CREBZF: variants seen among roughly 807,000 people sequenced by gnomAD.
CREBZF encodes HCF-binding transcription factor Zhangfei.
In CREBZF, 8 loss-of-function variants were observed where a neutral mutation model predicts 21.1. That is an observed-to-expected ratio of 0.38 (90% confidence interval 0.22 to 0.68). The LOEUF is 0.68. CREBZF is among the 30% of genes least tolerant of loss of function. The pLI is 0.51. For missense variants in CREBZF, 518 were observed against 484.3 expected (o/e 1.07, Z -0.65); for synonymous variants, 270 against 223.3 (o/e 1.21, Z -1.86).
rs1010498122 is a variant in CREBZF at position 85,664,878 on chromosome 11, G to A, written c.-3C>T. ...AGCTTGGTCAGGCTATGCCTCATGAGGGCCAGCGGCGGGCCGCGGTAGGCC... is the reference window on the plus strand; with the variant it reads ...AGCTTGGTCAGGCTATGCCTCATGAAGGCCAGCGGCGGGCCGCGGTAGGCC... On this transcript the variant is annotated 5_prime_UTR_variant, in exon 1 of 1. Coordinates refer to ENST00000527447, the MANE Select transcript of CREBZF (RefSeq NM_001039618.4). This position sits in a 1 kb window ranked among gnomAD's most constrained non-coding sequence, Gnocchi z 5.5. 2.0e-6 allele frequency: 3 copies of A among 1,473,184 alleles called. No individual in the cohort carries two copies. Among genetic ancestry groups the A allele is most frequent in the African/African-American group, 2.9e-5 (2 of 69,024 alleles). The allele number at this position is 1,473,184 out of a possible 1,614,324, so 91.3% of individuals were successfully genotyped here. A position where few individuals can be genotyped will look rare whatever the true frequency, so the allele number is the denominator to read the frequency against.
In CREBZF at chr11:85,660,381, A is replaced by G. The variant is rs1287876914; in HGVS notation, c.*3430T>C. 7.1e-6 allele frequency: 2 copies of G among 280,682 alleles called. No homozygotes were observed. The highest frequency in any genetic ancestry group is 1.4e-5 in the Non-Finnish European group (2 of 142,874). 17.4% of individuals were successfully genotyped at this position (280,682 alleles called of 1,614,324 possible). On this transcript the variant is annotated 3_prime_UTR_variant, in exon 1 of 1. Transcript: ENST00000527447. ...GATTAACTTAGTCTCATGTATCTCT[A>G]TTAAGTCTTTCAAGGATTCCAGAGA...
Position 85,676,970 on chromosome 11 carries a change from C to CTTTTTT in CREBZF, n.147+5741_147+5746dup, listed in dbSNP as rs1422368391. Among the ~76,000 whole-genome samples, 11 of 118,636 alleles carry CTTTTTT rather than the reference C, an allele frequency of 9.3e-5. 1 individual carries two copies. Among genetic ancestry groups the CTTTTTT allele is most frequent in the African/African-American group, 2.3e-4 (7 of 30,250 alleles). The allele number at this position is 118,636 out of a possible 152,430, so 77.8% of individuals were successfully genotyped here. On this transcript the variant is annotated intron_variant and non_coding_transcript_variant, in intron 1 of 3. Transcript: ENST00000531515. Reference sequence around the variant, plus strand: ...TAAAGTAATTTTTTTCTTTTTCTGTCTTTTTTTTTTTGAGACAGAATGTCA... The same window carrying CTTTTTT: ...TAAAGTAATTTTTTTCTTTTTCTGTCTTTTTTTTTTTTTTTTTGAGACAGAATGTCA...
At chr11:85,676,217 G>C (rs532207042) in intron 1 of CREBZF, among the ~76,000 whole-genome samples, 1 of 152,184 alleles carries the variant, frequency 6.6e-6, no homozygotes, top group Non-Finnish European at 1.5e-5. Flanking sequence ...AGAAGTTTGA[G>C]CATGAAAGAT....
chr11:85,680,020 C>A (rs1210245882), intron 1 of CREBZF, among the ~76,000 whole-genome samples: 3 of 152,184 alleles, frequency 2.0e-5, no homozygotes, highest in Non-Finnish European at 4.4e-5. Context: ...TAAGAAGTTT[C>A]TTTCCCATTC....
At chr11:85,680,671 G>T (rs1467491394) in intron 1 of CREBZF, among the ~76,000 whole-genome samples, 1 of 152,198 alleles carries the variant, frequency 6.6e-6, no homozygotes, top group Admixed American at 6.5e-5. Flanking sequence ...TACAGCTCTA[G>T]GTGTCCCTAA....
chr11:85,670,715 A>T (rs1482440104), intron 1 of CREBZF, among the ~76,000 whole-genome samples: 1 of 152,200 alleles, frequency 6.6e-6, no homozygotes, highest in Admixed American at 6.5e-5. Context: ...ATGTAGTGTC[A>T]ATATCTCGAT....
At position 85,661,615 on chromosome 11, in the gene CREBZF, G is replaced by C. The variant is rs2082681608; in HGVS notation, c.*2196C>G. ...GAAAATACTCCAACAGAATGTTATAGTTTTTAGAAAAATGAACTTACTGCT... is the reference window on the plus strand; with the variant it reads ...GAAAATACTCCAACAGAATGTTATACTTTTTAGAAAAATGAACTTACTGCT... On this transcript the variant is annotated 3_prime_UTR_variant, in exon 1 of 1. Transcript: ENST00000527447. The C allele has an allele frequency of 6.6e-6, 1 of 152,560 alleles. No homozygotes were observed. Among genetic ancestry groups the C allele is most frequent in the Non-Finnish European group, 1.5e-5 (1 of 68,006 alleles). 9.5% of individuals were successfully genotyped at this position (152,560 alleles called of 1,614,324 possible).
In CREBZF at chr11:85,660,538, C is replaced by T. The variant is rs1200464041; in HGVS notation, c.*3273G>A. 4.5e-6 allele frequency: 2 copies of T among 442,728 alleles called. No homozygotes were observed. The highest frequency in any genetic ancestry group is 4.5e-6 in the Non-Finnish European group (1 of 221,962). The allele number at this position is 442,728 out of a possible 1,614,324, so 27.4% of individuals were successfully genotyped here. The stretch of plus-strand genomic sequence containing the variant: ...ATGGTTCTCACAATTACTTTGTTAC[C>T]AACAGTCCAGTCAGTTAACAGGTTG... On this transcript the variant is annotated 3_prime_UTR_variant, in exon 1 of 1. Coordinates refer to ENST00000527447, the MANE Select transcript of CREBZF (RefSeq NM_001039618.4).
intron 1 of CREBZF, chr11:85,682,599 G>GCCCTACCCCCCC: frequency 1.2e-5 from 4 of 321,226 alleles, no homozygotes; most frequent in Non-Finnish European, 2.1e-5. Context: ...CCTACCCCCT[G>GCCCTACCCCCCC]CCCTACTCCC....
intron 1 of CREBZF, among the ~76,000 whole-genome samples, chr11:85,678,540 AT>A (rs2082956304): frequency 6.6e-6 from 1 of 152,196 alleles, no homozygotes; most frequent in Non-Finnish European, 1.5e-5. Flanking sequence ...ATATAGAAAA[AT>A]GTTCATATAA....
chr11:85,668,750 C>A (rs1394408951), upstream of CREBZF, among the ~76,000 whole-genome samples: 1 of 151,724 alleles, frequency 6.6e-6, no homozygotes, highest in African/African-American at 2.4e-5. Context: ...CGCCTGTAAT[C>A]CCAGCACTTT....
At chr11:85,676,640 TTTTTC>T (rs1266527390) in intron 1 of CREBZF, among the ~76,000 whole-genome samples, 1 of 151,958 alleles carries the variant, frequency 6.6e-6, no homozygotes, top group Non-Finnish European at 1.5e-5. Flanking sequence ...TGTCACTTTT[TTTTTC>T]TTTTTTTTCG....
At chr11:85,675,677 T>A (rs1030818580) in intron 1 of CREBZF, among the ~76,000 whole-genome samples, 2 of 152,114 alleles carry the variant, frequency 1.3e-5, no homozygotes, top group Non-Finnish European at 2.9e-5. Context: ...CAACTTATGG[T>A]TGCCACAAAC....
In CREBZF at chr11:85,663,484, C is replaced by T. The variant is rs1258521518; in HGVS notation, c.*327G>A. ...ATGTTGCCCATTAAAGTAGACAAAGCAGCAGAGCATGAGCGTTACGGGAAG... is the reference window on the plus strand; with the variant it reads ...ATGTTGCCCATTAAAGTAGACAAAGTAGCAGAGCATGAGCGTTACGGGAAG... On this transcript the variant is annotated 3_prime_UTR_variant, in exon 1 of 1. Coordinates refer to ENST00000527447, the MANE Select transcript of CREBZF (RefSeq NM_001039618.4). 2.4e-6 allele frequency: 2 copies of T among 820,194 alleles called. No individual in the cohort carries two copies. Among genetic ancestry groups the T allele is most frequent in the South Asian group, 1.4e-5 (1 of 69,466 alleles). 50.8% of individuals were successfully genotyped at this position (820,194 alleles called of 1,614,324 possible). A position where few individuals can be genotyped will look rare whatever the true frequency, so the allele number is the denominator to read the frequency against.
intron 1 of CREBZF, among the ~76,000 whole-genome samples, chr11:85,671,194 G>A (rs1269841511): frequency 6.6e-6 from 1 of 152,174 alleles, no homozygotes; most frequent in African/African-American, 2.4e-5. Flanking sequence ...CATATGTAGG[G>A]GACCTGCCCT....
At chr11:85,673,415 A>T (rs1047942808) in intron 1 of CREBZF, among the ~76,000 whole-genome samples, 1 of 152,228 alleles carries the variant, frequency 6.6e-6, no homozygotes, top group Non-Finnish European at 1.5e-5. Context: ...AGTGCATATA[A>T]ATGTTTACAC....
intron 1 of CREBZF, among the ~76,000 whole-genome samples, chr11:85,671,572 G>A (rs1027219738): frequency 1.3e-5 from 2 of 152,258 alleles, no homozygotes; most frequent in African/African-American, 2.4e-5. Context: ...TGAGGGTACA[G>A]GCATTGGGTA....
chr11:85,666,640 ACAGAAAGCAAGGTC>A (rs2082867537), upstream of CREBZF, among the ~76,000 whole-genome samples: 2 of 152,242 alleles, frequency 1.3e-5, no homozygotes. Context: ...TCTTAGAGAC[ACAGAAAGCAAGGTC>A]CAGGGAAGTT....
chr11:85,663,504 G>C lies in CREBZF; in HGVS notation c.*307C>G. On this transcript the variant is annotated 3_prime_UTR_variant, in exon 1 of 1. Transcript: ENST00000527447. ...CAAAGCAGCAGAGCATGAGCGTTAC[G>C]GGAAGAGATGGATCCTTACCAGGTT... 1 of 886,884 alleles carries C rather than the reference G, an allele frequency of 1.1e-6. No homozygotes were observed. Among genetic ancestry groups the C allele is most frequent in the Non-Finnish European group, 1.9e-6 (1 of 540,476 alleles). The allele number at this position is 886,884 out of a possible 1,614,324, so 54.9% of individuals were successfully genotyped here.
Sources: allele counts gnomAD v4.1 joint callset (sites outside exome capture counted in the v4.1 genomes callset), GRCh38; gene constraint gnomAD v4.1.1; non-coding constraint Gnocchi (gnomAD v3.1); transcripts MANE v1.5; gene names NCBI Gene and HGNC (gene_info 2026-07-23, HGNC 2026-07-21).